The following MOK variants were observed in gnomAD, a reference collection of about 807,000 sequenced individuals.
MOK encodes MOK protein kinase.
Under a neutral mutation model 54.2 loss-of-function variants are expected in MOK, and 59 were observed. The observed-to-expected ratio is 1.09, with a 90% confidence interval of 0.88 to 1.35. MOK has a LOEUF of 1.35. Among genes scored for constraint, MOK ranks in the 40% most tolerant of loss-of-function variants. MOK has a pLI of 0.00. For missense variants in MOK, 517 were observed against 526.2 expected, an observed-to-expected ratio of 0.98 and a Z score of 0.17; for synonymous variants, 210 against 202.7, an observed-to-expected ratio of 1.04 and a Z score of -0.31.
the MOK span, among the ~76,000 whole-genome samples, chr14:102,218,747 G>A: frequency 1.2e-3 from 181 of 152,254 alleles, no homozygotes; most frequent in Non-Finnish European, 1.8e-3. Flanking sequence ...GGCTTGCCCC[G>A]TTCCTCTCAC....
chr14:102,284,138 G>T (rs753025117), intron 1 of MOK, among the ~76,000 whole-genome samples: 2 of 152,044 alleles, frequency 1.3e-5, no homozygotes. Flanking sequence ...GAAGCCTCTA[G>T]ATCACTATGT....
chr14:102,221,906 TG>T (rs1206213953), downstream of MOK, among the ~76,000 whole-genome samples: 2 of 152,212 alleles, frequency 1.3e-5, no homozygotes, highest in African/African-American at 2.4e-5. The surrounding 1 kb of genome is among the most constrained non-coding windows in gnomAD (Gnocchi z 4.8). Flanking sequence ...TGTGCACCTT[TG>T]GGGCTGCACT....
rs985073522 is a variant in MOK, at chr14:102,261,835, C to G, written c.283+1711G>C. Reference sequence around the variant, plus strand: ...TACAGGCATAAGCCACCACGCCCGGCCTTTTTTATTTTTTATTATTTTTTT... The same window carrying G: ...TACAGGCATAAGCCACCACGCCCGGGCTTTTTTATTTTTTATTATTTTTTT... On this transcript the variant is annotated intron_variant, in intron 4 of 11. Transcript: ENST00000361847. Among the ~76,000 whole-genome samples the G allele has an allele frequency of 6.0e-5, 9 of 151,222 alleles. No individual in the cohort carries two copies. The South Asian group carries it at 1.0e-3, about 18-fold the overall frequency.
intron 1 of MOK, among the ~76,000 whole-genome samples, chr14:102,296,466 T>G (rs966214350): frequency 2.0e-5 from 3 of 152,168 alleles, no homozygotes. Flanking sequence ...AATGTATGAA[T>G]GTCCATCTAA....
chr14:102,293,701 C>CAAAAAAAAAAAAAAAAAAAAAAAAAAAAA (rs10598736), intron 1 of MOK, among the ~76,000 whole-genome samples: 80 of 54,584 alleles, frequency 1.5e-3, no homozygotes, highest in East Asian at 2.9e-3. Flanking sequence ...AACTCCATCA[C>CAAAAAAAAAAAAAAAAAAAAAAAAAAAAA]AAAAAAAAAA....
the MOK span, among the ~76,000 whole-genome samples, chr14:102,215,582 G>T: frequency 1.3e-5 from 2 of 152,136 alleles, no homozygotes; most frequent in African/African-American, 2.4e-5. Flanking sequence ...TTTAAGCCCC[G>T]CATGCATTAG....
chr14:102,275,249 C>T (rs1034875259), intron 2 of MOK, among the ~76,000 whole-genome samples: 1 of 152,076 alleles, frequency 6.6e-6, no homozygotes, highest in Non-Finnish European at 1.5e-5. Context: ...ATCCCTACCG[C>T]TCACCATTCA....
chr14:102,302,032 G>A (rs12896426), intron 1 of MOK, among the ~76,000 whole-genome samples: 8,487 of 151,304 alleles, frequency 0.056, 255 homozygotes, highest in Non-Finnish European at 0.068. Context: ...GATTACAGGC[G>A]TGAGCCACTG....
At chr14:102,258,264 G>A (rs191109489) in intron 4 of MOK, among the ~76,000 whole-genome samples, 3 of 152,072 alleles carry the variant, frequency 2.0e-5, no homozygotes, top group South Asian at 2.1e-4. Context: ...CAGCCTCATC[G>A]ATGCCTGCCT....
rs1336092656 is a variant in MOK, at chr14:102,263,653, G to A, written c.213-37C>T. ...AGCAAGTTTTTAAAATAAATTTTCTGGCCTTAATCAGAAAATATAATCCAA... is the reference window on the plus strand; with the variant it reads ...AGCAAGTTTTTAAAATAAATTTTCTAGCCTTAATCAGAAAATATAATCCAA... On this transcript the variant is annotated intron_variant, in intron 3 of 11. Transcript: ENST00000361847. 6.9e-6 allele frequency: 10 copies of A among 1,448,972 alleles called. No homozygotes were observed. In the Admixed American group the frequency reaches 1.9e-4, roughly 28 times the overall value. The allele number at this position is 1,448,972 out of a possible 1,614,324, so 89.8% of individuals were successfully genotyped here. A position where few individuals can be genotyped will look rare whatever the true frequency, so the allele number is the denominator to read the frequency against.
At chr14:102,276,877 C>T (rs1179492127) in intron 2 of MOK, among the ~76,000 whole-genome samples, 2 of 151,850 alleles carry the variant, frequency 1.3e-5, no homozygotes, top group Non-Finnish European at 2.9e-5. Flanking sequence ...GAGACAGGGT[C>T]TTGCTCTGTC....
At position 102,265,921 on chromosome 14, in the gene MOK, T is replaced by C. The variant is rs1463271028; in HGVS notation, c.123-9A>G. 1 of 1,601,640 alleles carries C rather than the reference T, an allele frequency of 6.2e-7. No individual in the cohort carries two copies. Among genetic ancestry groups the C allele is most frequent in the Non-Finnish European group, 8.5e-7 (1 of 1,170,442 alleles). ...TGTTGACTTGCTCAATACTATCGTG[T>C]AGGTAAAAATGGATAGCTCATTCAC... On this transcript the variant is annotated splice_polypyrimidine_tract_variant and intron_variant, in intron 2 of 11. Coordinates refer to ENST00000361847, the MANE Select transcript of MOK (RefSeq NM_014226.3).
intron 1 of MOK, among the ~76,000 whole-genome samples, chr14:102,298,591 GGACCAATCAGCTCTCTGTAAAACA>G (rs2071727670): frequency 6.6e-6 from 1 of 152,184 alleles, no homozygotes; most frequent in Non-Finnish European, 1.5e-5. Context: ...CTGTCAAAAC[GGACCAATCAGCTCTCTGTAAAACA>G]GACCAATTGG....
At chr14:102,258,811 T>A (rs374397132) in intron 4 of MOK, among the ~76,000 whole-genome samples, 5 of 152,346 alleles carry the variant, frequency 3.3e-5, no homozygotes, top group African/African-American at 1.2e-4. Flanking sequence ...CTCACGCCTA[T>A]AATCCCAGCA....
intron 4 of MOK, among the ~76,000 whole-genome samples, chr14:102,253,741 C>T (rs1362269823): frequency 6.6e-6 from 1 of 152,186 alleles, no homozygotes; most frequent in Non-Finnish European, 1.5e-5. Flanking sequence ...GTCAATTTTA[C>T]TTGATTTTAA....
chr14:102,263,610 T>A lies in MOK; in HGVS notation c.219A>T (p.Arg73Ser), dbSNP rs1413399549. Residue 73 changes from arginine (R) to serine (S), a missense_variant, in exon 4 of 12, where the codon AGA becomes AGT. Transcript: ENST00000361847. Reference sequence around the variant, plus strand: ...ATATTAGTGCAAGAGAACCAGATTTTCTGTCACTGAAGAAGAAAGCAAGTT... The same window carrying A: ...ATATTAGTGCAAGAGAACCAGATTTACTGTCACTGAAGAAGAAAGCAAGTT... ...ILMLHEVVFD[R>S]KSGSLALICE... is the part of the protein sequence containing the mutation. The A allele has an allele frequency of 6.2e-7, 1 of 1,603,656 alleles. No homozygotes were observed. The highest frequency in any genetic ancestry group is 8.5e-7 in the Non-Finnish European group (1 of 1,175,918).
rs185676953 is a variant in MOK at position 102,287,980 on chromosome 14, G to A, written c.8-4388C>T. On this transcript the variant is annotated intron_variant, in intron 1 of 11. Transcript: ENST00000361847. Reference sequence around the variant, plus strand: ...CTCCCGAGTAGCTGGGATTACAGGCGCCCGCCACCGCGCCCGGCTAATTTT... The same window carrying A: ...CTCCCGAGTAGCTGGGATTACAGGCACCCGCCACCGCGCCCGGCTAATTTT... Among the ~76,000 whole-genome samples, 231 of 151,760 alleles carry A rather than the reference G, an allele frequency of 1.5e-3. 4 individuals are homozygous for A. Among genetic ancestry groups the A allele is most frequent in the African/African-American group, 5.3e-3 (219 of 41,198 alleles).
Position 102,249,339 on chromosome 14 carries a change from G to A in MOK, c.590+1473C>T, listed in dbSNP as rs930626839. Reference sequence around the variant, plus strand: ...GACAAATTCAGGGTGAGACAGGTCAGGTTTTGTCAACAAATGAGTCCCAAG... The same window carrying A: ...GACAAATTCAGGGTGAGACAGGTCAAGTTTTGTCAACAAATGAGTCCCAAG... On this transcript the variant is annotated intron_variant, in intron 7 of 11. Transcript: ENST00000361847. This position sits in a 1 kb window ranked among gnomAD's most constrained non-coding sequence, Gnocchi z 5.3. Among the ~76,000 whole-genome samples, 1 of 152,194 alleles carries A rather than the reference G, an allele frequency of 6.6e-6. No individual in the cohort carries two copies. Among genetic ancestry groups the A allele is most frequent in the African/African-American group, 2.4e-5 (1 of 41,452 alleles).
At chr14:102,290,598 T>C (rs1422938582) in intron 1 of MOK, among the ~76,000 whole-genome samples, 1 of 152,104 alleles carries the variant, frequency 6.6e-6, no homozygotes, top group Non-Finnish European at 1.5e-5. Context: ...CTGGTCTGTG[T>C]TATGAGCAAA....
Sources: gnomAD v4.1 joint callset for allele counts (sites outside exome capture counted in the v4.1 genomes callset) on GRCh38, gnomAD v4.1.1 for gene constraint, Gnocchi (gnomAD v3.1) non-coding constraint, MANE v1.5 for transcripts, NCBI Gene and HGNC (gene_info 2026-07-23, HGNC 2026-07-21) for gene names.